VPS41: variants seen among roughly 807,000 people sequenced by gnomAD.
VPS41 encodes vacuolar protein sorting-associated protein 41 homolog.
In VPS41, 85 loss-of-function variants were observed where a neutral mutation model predicts 130.9. That is an observed-to-expected ratio of 0.65 (90% CI 0.55 to 0.78). The LOEUF (loss-of-function observed/expected upper bound fraction) is 0.78, where lower values mean the gene tolerates loss of function less well. Ranked by LOEUF, VPS41 falls within the 30% of genes least tolerant of loss-of-function variation. VPS41 has a pLI of 0.00. For synonymous variants in VPS41, 335 were observed against 332.9 expected, an observed-to-expected ratio of 1.01 and a Z score of -0.07; for missense variants, 874 against 1,018.7, an observed-to-expected ratio of 0.86 and a Z score of 1.93.
At chr7:38,889,061 A>G (rs185087202) in intron 2 of VPS41, among the ~76,000 whole-genome samples, 61 of 152,150 alleles carry the variant, frequency 4.0e-4, no homozygotes, top group African/African-American at 1.4e-3. Flanking sequence ...CCTATGTAAC[A>G]AAATTGCATG....
chr7:38,756,527 G>A (rs574488320), intron 19 of VPS41, among the ~76,000 whole-genome samples: 10 of 152,174 alleles, frequency 6.6e-5, no homozygotes, highest in East Asian at 1.9e-4. Flanking sequence ...AAGTATATAC[G>A]TGGTTTGTTT....
intron 3 of VPS41, among the ~76,000 whole-genome samples, chr7:38,867,625 T>C (rs1379417311): frequency 6.6e-6 from 1 of 152,012 alleles, no homozygotes; most frequent in South Asian, 2.1e-4. Flanking sequence ...AGGTCAGGAA[T>C]TGAGGCTGTT....
intron 7 of VPS41, among the ~76,000 whole-genome samples, chr7:38,798,062 C>A (rs1468772643): frequency 2.0e-5 from 3 of 152,138 alleles, no homozygotes; most frequent in African/African-American, 7.2e-5. Context: ...CCACCCTGTC[C>A]TCTCCTATCC....
chr7:38,726,680 A>G (rs13224619), intron 28 of VPS41, among the ~76,000 whole-genome samples: 13,132 of 152,328 alleles, frequency 0.086, 640 homozygotes, highest in South Asian at 0.13. Flanking sequence ...ACTGGGCCTG[A>G]ATGAATTCCT....
intron 2 of VPS41, among the ~76,000 whole-genome samples, chr7:38,887,164 G>A (rs561129835): frequency 1.3e-5 from 2 of 152,162 alleles, no homozygotes; most frequent in Non-Finnish European, 2.9e-5. Flanking sequence ...GAACAAAACT[G>A]GATGGATAAC....
intron 4 of VPS41, among the ~76,000 whole-genome samples, chr7:38,837,581 C>A (rs574631768): frequency 6.6e-6 from 1 of 152,324 alleles, no homozygotes; most frequent in African/African-American, 2.4e-5. Flanking sequence ...TCAGTGAGTT[C>A]TGTGAGTCTC....
intron 4 of VPS41, among the ~76,000 whole-genome samples, chr7:38,848,222 C>A (rs1318140525): frequency 6.6e-6 from 1 of 152,198 alleles, no homozygotes; most frequent in Non-Finnish European, 1.5e-5. Flanking sequence ...TAGACCTGCA[C>A]TGGGATCGAC....
rs547864654 is a variant in VPS41 at position 38,909,147 on chromosome 7, C to T, written c.21+7G>A. On this transcript the variant is annotated splice_region_variant and intron_variant, in intron 1 of 28. Coordinates refer to ENST00000310301, the MANE Select transcript of VPS41 (RefSeq NM_014396.4). The stretch of plus-strand genomic sequence containing the variant: ...CTGTGCCCTCAACTACCACCTGCAC[C>T]CTTTACCTGCTCCTCTGCTTCCGCC... 5.2e-5 allele frequency: 84 copies of T among 1,614,238 alleles called. No homozygotes were observed. The highest frequency in any genetic ancestry group is 6.9e-5 in the Non-Finnish European group (81 of 1,180,030).
chr7:38,771,191 C>CACTT lies in VPS41; in HGVS notation c.1185+3_1185+6dup. On this transcript the variant is annotated splice_region_variant and intron_variant, in intron 14 of 28. Transcript: ENST00000310301. ...ATTATGTTTCAAATAACAAATTGCACACTTACCAGAATCTTATGTCTTTTA... is the reference window on the plus strand; with the variant it reads ...ATTATGTTTCAAATAACAAATTGCACACTTACTTACCAGAATCTTATGTCTTTTA... The CACTT allele has an allele frequency of 6.3e-7, 1 of 1,581,624 alleles. No individual in the cohort carries two copies. Among genetic ancestry groups the CACTT allele is most frequent in the South Asian group, 1.1e-5 (1 of 89,406 alleles).
intron 2 of VPS41, among the ~76,000 whole-genome samples, chr7:38,894,442 G>T (rs1005580186): frequency 6.6e-6 from 1 of 151,706 alleles, no homozygotes; most frequent in South Asian, 2.1e-4. Context: ...CGGGGGGCAC[G>T]GAGGCTAGGG....
chr7:38,749,988 G>GAGT (rs10677401), intron 22 of VPS41, among the ~76,000 whole-genome samples: 5,635 of 152,194 alleles, frequency 0.037, 345 homozygotes, highest in African/African-American at 0.13. Context: ...TCAGCTTCCT[G>GAGT]AGTAGCTATG....
chr7:38,799,990 C>G, intron 7 of VPS41, among the ~76,000 whole-genome samples: 1 of 151,942 alleles, frequency 6.6e-6, no homozygotes, highest in Non-Finnish European at 1.5e-5. Flanking sequence ...TCTTGGACAC[C>G]GTCTTTCTGG....
At chr7:38,856,681 A>C (rs1338565762) in intron 4 of VPS41, among the ~76,000 whole-genome samples, 1 of 152,152 alleles carries the variant, frequency 6.6e-6, no homozygotes, top group Non-Finnish European at 1.5e-5. Context: ...GTTAAATAGG[A>C]ATGTGAGGCT....
Position 38,817,827 on chromosome 7 carries a change from C to T in VPS41, c.440G>A (p.Gly147Glu). ...VRSSCKQFVT[G>E]GKKLLLFERS... ...ACACACAGCACTTACCTTCTTCCCTCCGGTCACAAACTGCTTGCAACTGGA... is the reference window on the plus strand; with the variant it reads ...ACACACAGCACTTACCTTCTTCCCTTCGGTCACAAACTGCTTGCAACTGGA... Residue 147 changes from glycine (G) to glutamate (E), a missense_variant, in exon 7 of 29, where the codon GGA becomes GAA. Coordinates refer to ENST00000310301, the MANE Select transcript of VPS41 (RefSeq NM_014396.4). The T allele has an allele frequency of 6.2e-7, 1 of 1,614,070 alleles. No individual in the cohort carries two copies. Among genetic ancestry groups the T allele is most frequent in the Non-Finnish European group, 8.5e-7 (1 of 1,179,934 alleles).
chr7:38,907,548 G>A (rs1787295168), intron 1 of VPS41, among the ~76,000 whole-genome samples: 1 of 152,190 alleles, frequency 6.6e-6, no homozygotes, highest in Non-Finnish European at 1.5e-5. Context: ...ATTCTTTTGG[G>A]AAGACCAAAT....
chr7:38,756,970 G>A lies in VPS41; in HGVS notation c.1563C>T (p.Asp521=), dbSNP rs2240350. 0.36 allele frequency: 566,410 copies of A among 1,570,828 alleles called. 107,657 individuals are homozygous for A. Among genetic ancestry groups the A allele is most frequent in the Admixed American group, 0.65 (38,356 of 58,952 alleles). ...LKTLAELYTY[D]KNYGNALEIY... Reference sequence around the variant, plus strand: ...TTTCCAGAGCATTGCCATAGTTCTTGTCATAGGTGTACCTGGTAATACAAA... The same window carrying A: ...TTTCCAGAGCATTGCCATAGTTCTTATCATAGGTGTACCTGGTAATACAAA... The change falls in exon 19 of 29, where the codon GAC becomes GAT. Residue 521 remains aspartate, a synonymous_variant. Transcript: ENST00000310301.
chr7:38,815,070 G>A (rs1474006092), intron 7 of VPS41, among the ~76,000 whole-genome samples: 1 of 152,116 alleles, frequency 6.6e-6, no homozygotes, highest in Non-Finnish European at 1.5e-5. Flanking sequence ...AATGTTTGTT[G>A]TTTTAAGTCA....
chr7:38,890,770 C>CA (rs1786844818), intron 2 of VPS41, among the ~76,000 whole-genome samples: 1 of 151,936 alleles, frequency 6.6e-6, no homozygotes. Flanking sequence ...AATGCAGCCT[C>CA]AACCTCCTGG....
At chr7:38,727,361 C>A (rs1053846702) in intron 27 of VPS41, among the ~76,000 whole-genome samples, 1 of 152,180 alleles carries the variant, frequency 6.6e-6, no homozygotes, top group Non-Finnish European at 1.5e-5. Flanking sequence ...CCACCTGCTA[C>A]CTTTGCCAAG....
Sources: gnomAD v4.1 joint callset for allele counts (sites outside exome capture counted in the v4.1 genomes callset) on GRCh38, gnomAD v4.1.1 for gene constraint, MANE v1.5 for transcripts, NCBI Gene and HGNC (gene_info 2026-07-23, HGNC 2026-07-21) for gene names.